Variants in CCT3 observed in about 807,000 individuals in gnomAD.
CCT3 encodes chaperonin containing TCP1 subunit 3.
In CCT3, 10 loss-of-function variants were observed where a neutral mutation model predicts 65.3. The observed-to-expected ratio is 0.15, with a 90% CI of 0.09 to 0.26. The LOEUF (loss-of-function observed/expected upper bound fraction) is 0.26. CCT3 is among the 10% of genes least tolerant of loss of function. The pLI is 1.00. For missense variants in CCT3, 626 were observed against 708.7 expected (o/e 0.88, Z 1.33); for synonymous variants, 225 against 242.3 (o/e 0.93, Z 0.66).
chr1:156,332,672 T>C (rs1665152516), intron 5 of CCT3: 2 of 152,240 alleles, frequency 1.3e-5, no homozygotes. Flanking sequence ...AGGTTATGTT[T>C]TTCACATTTT....
In CCT3 at chr1:156,315,014, T is replaced by A. The variant is rs140671752; in HGVS notation, c.974+2152A>T. Reference sequence around the variant, plus strand: ...AAAGCAGAAGTCAGACAAATCACGATGTATTTCCATTGAGTTACACTGAGT... The same window carrying A: ...AAAGCAGAAGTCAGACAAATCACGAAGTATTTCCATTGAGTTACACTGAGT... On this transcript the variant is annotated intron_variant, in intron 10 of 13. Transcript: ENST00000295688. 7.9e-3 allele frequency among the ~76,000 whole-genome samples: 1,200 copies of A among 152,280 alleles called. 22 individuals carry two copies. The highest frequency in any genetic ancestry group is 0.026 in the African/African-American group (1,100 of 41,562).
intron 5 of CCT3, among the ~76,000 whole-genome samples, chr1:156,329,844 CAGG>C (rs1306220194): frequency 1.3e-5 from 2 of 151,174 alleles, no homozygotes; most frequent in Admixed American, 6.6e-5. Flanking sequence ...GAGGCTGAGG[CAGG>C]AGAATTGCTG....
chr1:156,329,493 G>A (rs1250517771), intron 5 of CCT3, among the ~76,000 whole-genome samples: 1 of 151,762 alleles, frequency 6.6e-6, no homozygotes, highest in Non-Finnish European at 1.5e-5. Context: ...TTTTAGCAAA[G>A]ACAGGGTTTC....
In CCT3 at chr1:156,325,027, T is replaced by C. The variant is rs757799696; in HGVS notation, c.367A>G (p.Ile123Val). 1.9e-5 allele frequency: 31 copies of C among 1,613,866 alleles called. No individual in the cohort carries two copies. The highest frequency in any genetic ancestry group is 2.6e-5 in the Non-Finnish European group (31 of 1,179,984). ...TCCAATGCCTTGCGGTAAGCACTGA[T>C]CACCACTGTTGGGTGCATCTGCTGC... Reference protein sequence around the residue: ...LEQQMHPTVVISAYRKALDDM... With the variant: ...LEQQMHPTVVVSAYRKALDDM... The change falls in exon 6 of 14, where the codon ATC becomes GTC. Residue 123 changes from isoleucine (I) to valine (V), a missense_variant. Ile to Val is a conservative substitution (Grantham distance 29). Coordinates refer to ENST00000295688, the MANE Select transcript of CCT3 (RefSeq NM_005998.5).
chr1:156,327,280 C>CCCCTCT (rs1209861636), intron 5 of CCT3, among the ~76,000 whole-genome samples: 1 of 152,096 alleles, frequency 6.6e-6, no homozygotes, highest in African/African-American at 2.4e-5. Flanking sequence ...TCTCCCCTCT[C>CCCCTCT]CCCTCTCCCT....
chr1:156,310,505 GATAA>G (rs67432426), intron 13 of CCT3, 49 bp downstream of exon 13: 354,957 of 1,333,164 alleles, frequency 0.27, 49,834 homozygotes, highest in East Asian at 0.28. Context: ...TAAATAAATA[GATAA>G]ATAAATAAAT....
At position 156,309,986 on chromosome 1, in the gene CCT3, G is replaced by A. The variant is rs973884269; in HGVS notation, c.1533+572C>T. On this transcript the variant is annotated intron_variant, in intron 13 of 13. Transcript: ENST00000295688. ...CTGGGAGGTGGAGGCTGCAGTGAGC[G>A]GAGACCATGCCACTGCACTCCAGCC... 1.2e-4 allele frequency among the ~76,000 whole-genome samples: 17 copies of A among 146,066 alleles called. No homozygotes were observed. The South Asian group carries it at 2.8e-3, about 24-fold the overall frequency.
At chr1:156,327,395 A>G (rs1570930045) in intron 5 of CCT3, among the ~76,000 whole-genome samples, 1 of 152,016 alleles carries the variant, frequency 6.6e-6, no homozygotes, top group Non-Finnish European at 1.5e-5. Flanking sequence ...TCCCTGCCTG[A>G]TTCTCCTGCC....
intron 5 of CCT3, among the ~76,000 whole-genome samples, chr1:156,326,928 C>T (rs909091493): frequency 8.5e-5 from 13 of 152,064 alleles, no homozygotes; most frequent in Non-Finnish European, 1.8e-4. Context: ...TGTCTGTAAT[C>T]CCAGCTAGTT....
chr1:156,318,813 A>ATT, intron 8 of CCT3, 55 bp downstream of exon 8: 1 of 1,564,800 alleles, frequency 6.4e-7, no homozygotes, highest in Non-Finnish European at 8.7e-7. Flanking sequence ...TCTGTTGTTC[A>ATT]TATTTGCAGT....
chr1:156,326,649 C>CAA (rs760908966), intron 5 of CCT3, among the ~76,000 whole-genome samples: 19,785 of 65,382 alleles, frequency 0.3, 2,246 homozygotes, highest in Non-Finnish European at 0.38. Flanking sequence ...GACTCCATCT[C>CAA]AAAAAAAAAA....
At chr1:156,336,536 TAAG>T (rs891608284) in intron 1 of CCT3, among the ~76,000 whole-genome samples, 3 of 152,146 alleles carry the variant, frequency 2.0e-5, no homozygotes, top group Admixed American at 6.5e-5. Context: ...TTGGATGTAA[TAAG>T]AAGGCCTCAG....
chr1:156,309,389 C>T, intron 13 of CCT3, 86 bp from the exon 14 acceptor site: 7 of 858,570 alleles, frequency 8.2e-6, no homozygotes, highest in East Asian at 7.3e-5. Flanking sequence ...CTAGATGCTA[C>T]TATGGAACTG....
At chr1:156,330,907 GATAA>G (rs1021482364) in intron 5 of CCT3, among the ~76,000 whole-genome samples, 8 of 151,274 alleles carry the variant, frequency 5.3e-5, no homozygotes, top group African/African-American at 1.9e-4. Context: ...CTGTCTCAAA[GATAA>G]ATAAATAAAT....
chr1:156,329,330 G>A lies in CCT3; in HGVS notation c.304+4217C>T, dbSNP rs965803605. Among the ~76,000 whole-genome samples the A allele has an allele frequency of 8.5e-5, 11 of 129,720 alleles. No homozygotes were observed. The East Asian group carries it at 1.8e-3, about 22-fold the overall frequency. 85.1% of individuals were successfully genotyped at this position (129,720 alleles called of 152,430 possible). ...TTTTTTTTTTTTTTTTTTTTGAGAC[G>A]GAATCTTGCTCTGTTGCCAGGCTGG... On this transcript the variant is annotated intron_variant, in intron 5 of 13. Coordinates refer to ENST00000295688, the MANE Select transcript of CCT3 (RefSeq NM_005998.5).
Position 156,312,128 on chromosome 1 carries a change from T to G in CCT3, c.1068A>C (p.Gly356=). Residue 356 remains glycine, a synonymous_variant, in exon 11 of 14, where the codon GGA becomes GGC. Transcript: ENST00000295688. ...GAGLLEIKKI[G]DEYFTFITDC... ...CAGTGATGAAAGTAAAGTATTCATC[T>G]CCAATTTTCTTGATTTCCAACAGGC... is the stretch of plus-strand genomic sequence containing the variant. 6.2e-7 allele frequency: 1 copy of G among 1,613,992 alleles called. No homozygotes were observed. Among genetic ancestry groups the G allele is most frequent in the South Asian group, 1.1e-5 (1 of 91,080 alleles).
intron 5 of CCT3, among the ~76,000 whole-genome samples, chr1:156,328,954 T>C (rs1168959007): frequency 6.6e-6 from 1 of 152,212 alleles, no homozygotes; most frequent in Admixed American, 6.5e-5. Flanking sequence ...GTGTCAATCA[T>C]GTATATTGAA....
chr1:156,328,219 T>G (rs1664940882), intron 5 of CCT3, among the ~76,000 whole-genome samples: 2 of 113,380 alleles, frequency 1.8e-5, no homozygotes, highest in Non-Finnish European at 3.9e-5. Flanking sequence ...AGTCCCCCCG[T>G]CCGGGAGGGA....
At position 156,333,572 on chromosome 1, in the gene CCT3, A is replaced by ATCTCCAACC; in HGVS notation, c.270_278dup (p.Glu90_Gly92dup). On this transcript the variant is annotated inframe_insertion, in exon 5 of 14. Transcript: ENST00000295688. The stretch of plus-strand genomic sequence containing the variant: ...CAAGAATAATTACTGATGTGGTCCC[A>ATCTCCAACC]TCTCCAACCTCTTCATCCTGGGTCC... 6.2e-7 allele frequency: 1 copy of ATCTCCAACC among 1,613,966 alleles called. No individual in the cohort carries two copies. The highest frequency in any genetic ancestry group is 8.5e-7 in the Non-Finnish European group (1 of 1,179,874).
Sources: gnomAD v4.1 joint callset for allele counts (sites outside exome capture counted in the v4.1 genomes callset) on GRCh38, gnomAD v4.1.1 for gene constraint, MANE v1.5 for transcripts, NCBI Gene and HGNC (gene_info 2026-07-23, HGNC 2026-07-21) for gene names.